Variants in TLN2 observed in about 807,000 individuals in gnomAD.
The protein encoded by TLN2 is talin-2.
In TLN2, 118 loss-of-function variants were observed where a neutral mutation model predicts 294.7. The ratio of observed to expected loss-of-function variants is 0.40; its 90% CI spans 0.34 to 0.47. TLN2 has a LOEUF of 0.47. TLN2 is among the 20% of genes least tolerant of loss of function. The pLI is 0.84. For missense variants in TLN2, 3,083 were observed against 3,282.2 expected (o/e 0.94, Z 1.48); for synonymous variants, 1,431 against 1,304.5 (o/e 1.10, Z -2.09).
Position 62,792,799 on chromosome 15 carries a change from C to A in TLN2, c.5883+12C>A, listed in dbSNP as rs1429297016. The A allele has an allele frequency of 6.2e-7, 1 of 1,613,520 alleles. No individual in the cohort carries two copies. The highest frequency in any genetic ancestry group is 8.5e-7 in the Non-Finnish European group (1 of 1,179,914). On this transcript the variant is annotated intron_variant, in intron 46 of 58. Transcript: ENST00000636159. ...CCGTCACGGAAAAGGTAAGGAGCAG[C>A]CCTCAGTTTAGAGTCACAAGAACCT...
Position 62,702,766 on chromosome 15 carries a change from C to T in TLN2, c.1906C>T (p.Pro636Ser), listed in dbSNP as rs745487275. 8.1e-6 allele frequency: 13 copies of T among 1,614,086 alleles called. No individual in the cohort carries two copies. The highest frequency in any genetic ancestry group is 1.1e-5 in the Non-Finnish European group (13 of 1,179,964). ...ATTAAGGTGTGTTGTTTGTTCACAGCCTCGACAGACAGTTTTGACTGCTGC... is the reference window on the plus strand; with the variant it reads ...ATTAAGGTGTGTTGTTTGTTCACAGTCTCGACAGACAGTTTTGACTGCTGC... ...LKAVQPTSGE[P>S]RQTVLTAAGS... The change falls in exon 19 of 59, where the codon CCT becomes TCT. Residue 636 changes from proline to serine, a missense_variant and splice_region_variant. Transcript: ENST00000636159.
chr15:62,500,703 C>T (rs2140428640), intron 1 of TLN2, among the ~76,000 whole-genome samples: 1 of 152,342 alleles, frequency 6.6e-6, no homozygotes, highest in Middle Eastern at 3.4e-3. Flanking sequence ...TCTCAAGTGA[C>T]ATCAATGCCC....
intron 12 of TLN2, among the ~76,000 whole-genome samples, chr15:62,688,383 C>G (rs1228386880): frequency 6.6e-6 from 1 of 152,090 alleles, no homozygotes; most frequent in Non-Finnish European, 1.5e-5. Flanking sequence ...TGTATGATTT[C>G]AGTCCTTTTG....
chr15:62,711,337 CA>C (rs1225271080), intron 21 of TLN2, among the ~76,000 whole-genome samples: 5 of 152,174 alleles, frequency 3.3e-5, no homozygotes, highest in African/African-American at 7.2e-5. Context: ...AAAGGATGAG[CA>C]GAGAGAAAAT....
At chr15:62,737,452 C>G (rs73437629) in intron 29 of TLN2, among the ~76,000 whole-genome samples, 1 of 152,312 alleles carries the variant, frequency 6.6e-6, no homozygotes, top group African/African-American at 2.4e-5. Flanking sequence ...GCTGGCCACT[C>G]AGAAGTTTTC....
In TLN2 at chr15:62,704,151, T is replaced by A. The variant is rs190818875; in HGVS notation, c.2004+1287T>A. Among the ~76,000 whole-genome samples, 579 of 152,200 alleles carry A rather than the reference T, an allele frequency of 3.8e-3. 5 individuals are homozygous for A. Among genetic ancestry groups the A allele is most frequent in the Non-Finnish European group, 6.9e-3 (470 of 68,012 alleles). On this transcript the variant is annotated intron_variant, in intron 19 of 58. Transcript: ENST00000636159. ...TTAAAATGTTTTTTGAATTATTTAT[T>A]TATATATATAATGAAATATTTACTT...
intron 1 of TLN2, among the ~76,000 whole-genome samples, chr15:62,399,256 C>CAAAAAAAAAAAAAAAA (rs546678440): frequency 5.1e-5 from 3 of 58,434 alleles, no homozygotes; most frequent in African/African-American, 7.4e-5. Flanking sequence ...CCGTCTCAAA[C>CAAAAAAAAAAAAAAAA]AAAAAAAAAA....
intron 2 of TLN2, among the ~76,000 whole-genome samples, chr15:62,593,558 T>C (rs1255136139): frequency 6.6e-6 from 1 of 152,254 alleles, no homozygotes; most frequent in Non-Finnish European, 1.5e-5. Flanking sequence ...GAGACTTTTC[T>C]ATGTAAGAAT....
intron 3 of TLN2, among the ~76,000 whole-genome samples, chr15:62,632,918 C>T (rs2050044504): frequency 9.0e-6 from 1 of 110,674 alleles, no homozygotes; most frequent in Non-Finnish European, 1.8e-5. Flanking sequence ...CGAAAGTGGG[C>T]TTGTGTTGCT....
At chr15:62,589,507 C>G (rs2045922448) in intron 1 of TLN2, among the ~76,000 whole-genome samples, 180 bp from the exon 2 acceptor site, 1 of 152,206 alleles carries the variant, frequency 6.6e-6, no homozygotes, top group Non-Finnish European at 1.5e-5. Context: ...AAATAAGTGT[C>G]TTGGGACCTG....
intron 3 of TLN2, among the ~76,000 whole-genome samples, chr15:62,641,071 G>C (rs545887722): frequency 6.6e-6 from 1 of 151,928 alleles, no homozygotes; most frequent in Non-Finnish European, 1.5e-5. Flanking sequence ...CAAAGTACTA[G>C]GATTACAGGC....
intron 12 of TLN2, among the ~76,000 whole-genome samples, chr15:62,691,040 GGGAGAGGGGGAGGGGGA>G (rs1401428869): frequency 2.6e-4 from 36 of 140,570 alleles, no homozygotes; most frequent in African/African-American, 8.2e-4. Context: ...GAGAGGGAGA[GGGAGAGGGGGAGGGGGA>G]GGGGAGGGGG....
intron 28 of TLN2, among the ~76,000 whole-genome samples, chr15:62,729,472 T>C (rs1043716637): frequency 8.1e-5 from 12 of 147,990 alleles, no homozygotes; most frequent in African/African-American, 3.2e-4. Context: ...CTTTATATCA[T>C]TGAGTCTTCT....
intron 1 of TLN2, among the ~76,000 whole-genome samples, chr15:62,570,917 G>C (rs1238395993): frequency 6.7e-6 from 1 of 150,292 alleles, no homozygotes; most frequent in Admixed American, 6.6e-5. Context: ...GTGTGTGTGT[G>C]TGTGTGTGTG....
chr15:62,589,107 C>T (rs974092246), intron 1 of TLN2, among the ~76,000 whole-genome samples: 3 of 152,008 alleles, frequency 2.0e-5, no homozygotes, highest in Middle Eastern at 3.2e-3. Flanking sequence ...CTCACACAGG[C>T]GCCTGTTCCT....
At position 62,397,868 on chromosome 15, in the gene TLN2, G is replaced by A. The variant is rs138732099; in HGVS notation, c.-238+7183G>A. Among the ~76,000 whole-genome samples, 5 of 152,208 alleles carry A rather than the reference G, an allele frequency of 3.3e-5. No individual in the cohort carries two copies. In the East Asian group the frequency reaches 7.7e-4, roughly 23 times the overall value. ...GGGCTGGGCTGGTGTTTGAACCCAG[G>A]TTTCTTTCCATCCAATCCCTGGCTT... On this transcript the variant is annotated intron_variant, in intron 1 of 58. Coordinates refer to ENST00000636159, the MANE Select transcript of TLN2 (RefSeq NM_015059.3).
chr15:62,792,071 A>G (rs1489642915), intron 45 of TLN2, among the ~76,000 whole-genome samples: 2 of 152,180 alleles, frequency 1.3e-5, no homozygotes, highest in Admixed American at 6.5e-5. Context: ...TGGGCTTGGT[A>G]TGGTCGCTGT....
chr15:62,822,655 C>G lies in TLN2; in HGVS notation c.7002+2045C>G, dbSNP rs968224051. Among the ~76,000 whole-genome samples, 13 of 152,342 alleles carry G rather than the reference C, an allele frequency of 8.5e-5. No homozygotes were observed. In the East Asian group the frequency reaches 2.5e-3, roughly 29 times the overall value. On this transcript the variant is annotated intron_variant, in intron 54 of 58. Coordinates refer to ENST00000636159, the MANE Select transcript of TLN2 (RefSeq NM_015059.3). The stretch of plus-strand genomic sequence containing the variant: ...GTCAGAGAAGGCTTGTCTAGTCCCA[C>G]AAAGGCCATTTGTAGTTTATGTGTG...
intron 1 of TLN2, among the ~76,000 whole-genome samples, chr15:62,470,578 C>T (rs1003493595): frequency 1.3e-5 from 2 of 152,224 alleles, no homozygotes; most frequent in Non-Finnish European, 2.9e-5. Context: ...TCCTGATGCC[C>T]CTGCCCCCAG....
Sources: gnomAD v4.1 joint callset for allele counts (sites outside exome capture counted in the v4.1 genomes callset) on GRCh38, gnomAD v4.1.1 for gene constraint, MANE v1.5 for transcripts, NCBI Gene and HGNC (gene_info 2026-07-23, HGNC 2026-07-21) for gene names.